Variants in DDX5 observed in about 807,000 individuals in gnomAD.
The protein encoded by DDX5 is probable ATP-dependent RNA helicase DDX5.
A neutral mutation model predicts 68.6 loss-of-function variants in DDX5; 6 were observed. That is an observed-to-expected ratio of 0.09 (90% CI 0.05 to 0.17). The LOEUF is 0.17. Among genes scored for constraint, DDX5 ranks in the 10% least tolerant of loss-of-function variants. The pLI is 1.00. For missense variants in DDX5, 499 were observed against 756.1 expected (o/e 0.66, Z 3.99); for synonymous variants, 350 against 247.0 (o/e 1.42, Z -3.91).
chr17:64,506,820 G>A, upstream of DDX5: 1 of 581,870 alleles, frequency 1.7e-6, no homozygotes, highest in Admixed American at 3.0e-5. Context: ...CGTCCGACCC[G>A]CGTGTCTGAT....
chr17:64,506,706 C>A (rs1196016800), upstream of DDX5: 2 of 409,404 alleles, frequency 4.9e-6, no homozygotes, highest in African/African-American at 4.1e-5. Context: ...GCGGTCCGCA[C>A]TACTTTCCCG....
At position 64,500,242 on chromosome 17, in the gene DDX5, C is replaced by T. The variant is rs1568099797; in HGVS notation, c.1526G>A (p.Arg509Lys). The change falls in exon 13 of 13, where the codon AGA becomes AAA. Residue 509 changes from arginine to lysine, a missense_variant. Physicochemically the swap from Arg to Lys is conservative, Grantham distance 26. Transcript: ENST00000225792. ...ACCTCTGTCATAATTTTCCCTGTCT[C>T]TAAAGGTATTAAATCCACCCCTTTT... The part of the protein sequence containing the change: ...AGKRGGFNTF[R>K]DRENYDRGYS... The T allele has an allele frequency of 7.4e-6, 12 of 1,614,214 alleles. No individual in the cohort carries two copies. The highest frequency in any genetic ancestry group is 8.5e-6 in the Non-Finnish European group (10 of 1,180,028).
chr17:64,498,641 A>G lies in DDX5; in HGVS notation c.*1282T>C, dbSNP rs1420408668. On this transcript the variant is annotated 3_prime_UTR_variant, in exon 13 of 13. Transcript: ENST00000225792. ...TTGACATAAGGCATTAACATCAATT[A>G]AAGCCTCAGTTTAATAATCAGAATT... Among the ~76,000 whole-genome samples the G allele has an allele frequency of 1.3e-5, 2 of 152,220 alleles. No homozygotes were observed. Among genetic ancestry groups the G allele is most frequent in the Non-Finnish European group, 2.9e-5 (2 of 68,040 alleles).
At chr17:64,506,491 A>G (rs2038532910), upstream of DDX5, 3 of 940,290 alleles carry the variant, frequency 3.2e-6, no homozygotes. Context: ...GGAATGCCTC[A>G]TTCTGCACTC....
rs1555671484 is a variant in DDX5, at chr17:64,503,520, C to T, written c.559G>A (p.Ala187Thr). 2 of 1,614,268 alleles carry T rather than the reference C, an allele frequency of 1.2e-6. No individual in the cohort carries two copies. The stretch of plus-strand genomic sequence containing the variant: ...CGACATGCTCTACAATATTCAGCAG[C>T]TACTTGCTGCACCTGTTGGGCCAGT... ...RELAQQVQQVAAEYCRACRLK... is the reference protein window; with the variant it reads ...RELAQQVQQVTAEYCRACRLK... Residue 187 changes from alanine (A) to threonine (T), a missense_variant, in exon 6 of 13, where the codon GCT (alanine) becomes ACT (threonine). By Grantham distance (58) the Ala-to-Thr change is moderately conservative (BLOSUM62 0). Transcript: ENST00000225792.
chr17:64,504,112 A>G lies in DDX5; in HGVS notation c.312T>C (p.Asn104=), dbSNP rs782549086. 1.9e-6 allele frequency: 3 copies of G among 1,614,008 alleles called. No individual in the cohort carries two copies. The highest frequency in any genetic ancestry group is 1.3e-5 in the African/African-American group (1 of 74,938). ...LNFYEANFPA[N]VMDVIARQNF... is the part of the protein sequence containing the mutation. ...TCTGTCTTGCAATAACATCCATGAC[A>G]TTTGCTATAATTAGTAACAGATATT... Residue 104 remains asparagine (N), a synonymous_variant, in exon 4 of 13, where the codon AAT becomes AAC. Coordinates refer to ENST00000225792, the MANE Select transcript of DDX5 (RefSeq NM_004396.5).
rs1555672272 is a variant in DDX5, at chr17:64,505,817, C to T, written c.44+259G>A. 4 of 1,536,120 alleles carry T rather than the reference C, an allele frequency of 2.6e-6. No individual in the cohort carries two copies. In the East Asian group the frequency reaches 9.8e-5, roughly 38 times the overall value. The stretch of plus-strand genomic sequence containing the variant: ...GCACAATACGCTCCCTCTCAACTCC[C>T]TCAACAGCTACCAAATGGCAGCCGC... On this transcript the variant is annotated intron_variant, in intron 1 of 12. Transcript: ENST00000225792.
intron 1 of DDX5, 44 bp downstream of exon 1, chr17:64,506,032 A>ACCCCCCCCCCCCCCCCC: frequency 2.3e-6 from 1 of 442,566 alleles, no homozygotes; most frequent in Non-Finnish European, 3.1e-6. Context: ...CCGCCCTCCC[A>ACCCCCCCCCCCCCCCCC]TCCCCCCACC....
At position 64,504,257 on chromosome 17, in the gene DDX5, T is replaced by C. The variant is rs1555671680; in HGVS notation, c.272A>G (p.Lys91Arg). ...GGCTTCATAAAAATTTAGAACTGGC[T>C]TCGGGCAGTTGTGACCTCTAACTGT... The part of the protein sequence containing the change: ...EITVRGHNCP[K>R]PVLNFYEANF... Residue 91 changes from lysine to arginine, a missense_variant, in exon 3 of 13, where the codon AAG (lysine) becomes AGG (arginine). Lys to Arg is a conservative substitution (Grantham distance 26). Transcript: ENST00000225792. 1.9e-6 allele frequency: 3 copies of C among 1,614,038 alleles called. No homozygotes were observed. Among genetic ancestry groups the C allele is most frequent in the Non-Finnish European group, 2.5e-6 (3 of 1,180,024 alleles).
At chr17:64,505,208 G>C (rs1251827855) in intron 1 of DDX5, 1 of 259,850 alleles carries the variant, frequency 3.8e-6, no homozygotes, top group Non-Finnish European at 7.3e-6. Context: ...CAATAACAAG[G>C]CTACATGAAC....
chr17:64,506,775 C>T, upstream of DDX5: 2 of 525,764 alleles, frequency 3.8e-6, no homozygotes, highest in South Asian at 4.3e-5. Flanking sequence ...CTGCTCGCAC[C>T]CCGGGACCCG....
Position 64,500,529 on chromosome 17 carries a change from TTCCTA to T in DDX5, c.1441+15_1441+19del. On this transcript the variant is annotated intron_variant, in intron 12 of 12. Transcript: ENST00000225792. ...CGATGTGACTCGTAACTACCAACAT[TTCCTA>T]TCAGTCATCCTTACCTGAACCTCTG... 6.2e-7 allele frequency: 1 copy of T among 1,604,158 alleles called. No individual in the cohort carries two copies. The highest frequency in any genetic ancestry group is 2.2e-5 in the East Asian group (1 of 44,758).
intron 1 of DDX5, chr17:64,505,615 G>T: frequency 1.0e-6 from 1 of 980,182 alleles, no homozygotes; most frequent in Non-Finnish European, 1.6e-6. Context: ...CCGGCATTTT[G>T]TACTCGCGAC....
rs782503163 is a variant in DDX5, at chr17:64,502,404, A to G, written c.1094+35T>C. 6 of 1,543,534 alleles carry G rather than the reference A, an allele frequency of 3.9e-6. No individual in the cohort carries two copies. In the African/African-American group the frequency reaches 6.8e-5, roughly 18 times the overall value. ...AGTTTGCCCTTTCCTAAGCTGTTTT[A>G]ATCAATCTGCTTCAATGGAGGAGCT... On this transcript the variant is annotated intron_variant, in intron 9 of 12. Transcript: ENST00000225792.
Position 64,503,887 on chromosome 17 carries a change from G to A in DDX5, c.442-19C>T, listed in dbSNP as rs1555671580. 10 of 1,613,992 alleles carry A rather than the reference G, an allele frequency of 6.2e-6. No homozygotes were observed. The highest frequency in any genetic ancestry group is 1.7e-5 in the Admixed American group (1 of 59,992). On this transcript the variant is annotated intron_variant, in intron 4 of 12. Coordinates refer to ENST00000225792, the MANE Select transcript of DDX5 (RefSeq NM_004396.5). ...GCAAATACTATTTAGGGTGAAAGTG[G>A]GGACAAACAGAAATCACATTAAAAT...
At position 64,506,269 on chromosome 17, in the gene DDX5, A is replaced by C. The variant is rs1052700634; in HGVS notation, c.-150T>G. Reference sequence around the variant, plus strand: ...ACCAGCCGAAGCTGCACTACTAGAGACCGGTAGAAATGAATGAGGTGCCGG... The same window carrying C: ...ACCAGCCGAAGCTGCACTACTAGAGCCCGGTAGAAATGAATGAGGTGCCGG... On this transcript the variant is annotated 5_prime_UTR_variant, in exon 1 of 13. Coordinates refer to ENST00000225792, the MANE Select transcript of DDX5 (RefSeq NM_004396.5). 387 of 1,538,262 alleles carry C rather than the reference A, an allele frequency of 2.5e-4. 1 individual carries two copies. The highest frequency in any genetic ancestry group is 3.3e-4 in the Non-Finnish European group (379 of 1,142,346).
Position 64,506,134 on chromosome 17 carries a change from C to A in DDX5, c.-15G>T. On this transcript the variant is annotated 5_prime_UTR_variant, in exon 1 of 13. Transcript: ENST00000225792. ...TAACCCGACATGGCGTCAATGGTTGCGGTTGGCGGGGAACGAAGTATATAG... is the reference window on the plus strand; with the variant it reads ...TAACCCGACATGGCGTCAATGGTTGAGGTTGGCGGGGAACGAAGTATATAG... 6.2e-7 allele frequency: 1 copy of A among 1,607,908 alleles called. No homozygotes were observed. Among genetic ancestry groups the A allele is most frequent in the Non-Finnish European group, 8.5e-7 (1 of 1,177,284 alleles).
chr17:64,505,592 G>A (rs1049845531), intron 1 of DDX5: 2 of 805,712 alleles, frequency 2.5e-6, no homozygotes, highest in East Asian at 2.7e-5. Flanking sequence ...AGGCGCCGCC[G>A]CCATGTCCGA....
chr17:64,506,215 G>T lies in DDX5; in HGVS notation c.-96C>A, dbSNP rs2038512493. 11 of 1,560,018 alleles carry T rather than the reference G, an allele frequency of 7.1e-6. No individual in the cohort carries two copies. Among genetic ancestry groups the T allele is most frequent in the African/African-American group, 1.4e-5 (1 of 73,760 alleles). Reference sequence around the variant, plus strand: ...CTCGATGACGGCGAAGCCTTGCGGGGGCGGCAGCGGAGGAAGGACACCGAT... The same window carrying T: ...CTCGATGACGGCGAAGCCTTGCGGGTGCGGCAGCGGAGGAAGGACACCGAT... On this transcript the variant is annotated 5_prime_UTR_variant, in exon 1 of 13. Coordinates refer to ENST00000225792, the MANE Select transcript of DDX5 (RefSeq NM_004396.5).
Sources: allele counts gnomAD v4.1 joint callset (sites outside exome capture counted in the v4.1 genomes callset), GRCh38; gene constraint gnomAD v4.1.1; transcripts MANE v1.5; gene names NCBI Gene and HGNC (gene_info 2026-07-23, HGNC 2026-07-21).